The following CWC27 variants were observed in gnomAD, a reference collection of about 807,000 sequenced individuals.
CWC27 encodes the protein spliceosome-associated protein CWC27 homolog.
CWC27 carries 47 observed loss-of-function variants against 63.6 expected under a neutral mutation model. The ratio of observed to expected loss-of-function variants is 0.74; its 90% CI spans 0.58 to 0.94. CWC27 has a LOEUF of 0.94. Among genes scored for constraint, CWC27 ranks in the 40% least tolerant of loss-of-function variants. The pLI, the probability that CWC27 is intolerant of heterozygous loss-of-function variation, is 0.00. For missense variants in CWC27, 495 were observed against 554.3 expected (o/e 0.89, Z 1.07); for synonymous variants, 175 against 179.8 (o/e 0.97, Z 0.22).
chr5:64,902,118 T>C (rs1312444318), intron 11 of CWC27, among the ~76,000 whole-genome samples: 1 of 152,198 alleles, frequency 6.6e-6, no homozygotes, highest in African/African-American at 2.4e-5. Flanking sequence ...AAAATAACAA[T>C]AAAAATATAG....
chr5:64,770,289 C>T (rs888686624), intron 1 of CWC27, among the ~76,000 whole-genome samples: 7 of 152,158 alleles, frequency 4.6e-5, no homozygotes, highest in African/African-American at 1.4e-4. Context: ...ATTAGTATGT[C>T]CATCCCACCC....
intron 10 of CWC27, among the ~76,000 whole-genome samples, chr5:64,834,968 T>C (rs886137353): frequency 6.6e-6 from 1 of 151,762 alleles, no homozygotes; most frequent in Non-Finnish European, 1.5e-5. Context: ...GGAGATTGCA[T>C]AGTATAGAAA....
intron 11 of CWC27, among the ~76,000 whole-genome samples, chr5:64,919,868 C>A (rs1747963460): frequency 6.6e-6 from 1 of 152,084 alleles, no homozygotes; most frequent in African/African-American, 2.4e-5. Flanking sequence ...TGTTTTGTAT[C>A]CTGAATGTGC....
intron 11 of CWC27, among the ~76,000 whole-genome samples, chr5:64,891,771 TTTGTTGTTG>T (rs56101875): frequency 0.019 from 2,755 of 147,734 alleles, 48 homozygotes; most frequent in African/African-American, 0.054. Context: ...CTTGGGATAC[TTTGTTGTTG>T]TTGTTGTTGT....
chr5:64,874,205 A>G (rs1297909131), intron 10 of CWC27, among the ~76,000 whole-genome samples: 5 of 120,708 alleles, frequency 4.1e-5, no homozygotes, highest in African/African-American at 1.6e-4. Context: ...TCTATTGCCC[A>G]GGCTGGAGTG....
chr5:64,963,650 C>CACACAGTTTG, intron 11 of CWC27, among the ~76,000 whole-genome samples: 1 of 152,256 alleles, frequency 6.6e-6, no homozygotes, highest in Non-Finnish European at 1.5e-5. Context: ...GCTGTGTGTA[C>CACACAGTTTG]CCTGTAAAGT....
chr5:64,809,093 C>G (rs1004320135), intron 10 of CWC27, among the ~76,000 whole-genome samples: 10 of 152,116 alleles, frequency 6.6e-5, no homozygotes, highest in African/African-American at 2.4e-4. Context: ...TTGCCCCATT[C>G]TAGTTACTTC....
At chr5:64,837,432 C>A (rs549455551) in intron 10 of CWC27, among the ~76,000 whole-genome samples, 2 of 151,886 alleles carry the variant, frequency 1.3e-5, no homozygotes, top group African/African-American at 4.8e-5. Flanking sequence ...TTTAATGTGA[C>A]TCCATTGCTT....
intron 12 of CWC27, among the ~76,000 whole-genome samples, chr5:64,974,470 A>T (rs1749188150): frequency 6.6e-6 from 1 of 152,194 alleles, no homozygotes; most frequent in Non-Finnish European, 1.5e-5. Flanking sequence ...TGATAAACCC[A>T]TCAGATCTTG....
chr5:64,844,593 A>C lies in CWC27; in HGVS notation c.938+40207A>C, dbSNP rs1293278482. Among the ~76,000 whole-genome samples, 3 of 152,196 alleles carry C rather than the reference A, an allele frequency of 2.0e-5. No homozygotes were observed. In the East Asian group the frequency reaches 5.8e-4, roughly 29 times the overall value. On this transcript the variant is annotated intron_variant, in intron 10 of 13. Transcript: ENST00000381070. ...GCAGCAGCTCCCCTCACCCTCAGCC[A>C]AAAAACCTGCTTTACAACCCCACCC...
intron 10 of CWC27, among the ~76,000 whole-genome samples, chr5:64,853,869 A>G (rs567056745): frequency 6.6e-6 from 1 of 152,236 alleles, no homozygotes; most frequent in African/African-American, 2.4e-5. Flanking sequence ...ACGGTTTTTA[A>G]GTTAAGTCAT....
intron 11 of CWC27, among the ~76,000 whole-genome samples, chr5:64,966,541 A>G (rs543846282): frequency 6.6e-6 from 1 of 152,254 alleles, no homozygotes; most frequent in Non-Finnish European, 1.5e-5. Flanking sequence ...GAAGAAACTG[A>G]GGCACAAAAA....
Position 64,978,623 on chromosome 5 carries a change from G to C in CWC27, c.1256+1385G>C, listed in dbSNP as rs1749275360. Among the ~76,000 whole-genome samples the C allele has an allele frequency of 2.5e-5, 3 of 120,560 alleles. No individual in the cohort carries two copies. The South Asian group carries it at 8.3e-4, about 33-fold the overall frequency. The allele number at this position is 120,560 out of a possible 152,430, so 79.1% of individuals were successfully genotyped here. A position where few individuals can be genotyped will look rare whatever the true frequency, so the allele number is the denominator to read the frequency against. ...TTTTTGGGTTTTTTTTTTTTTTTTG[G>C]CGGTGGGGGGGATTCCTTGAATGTC... On this transcript the variant is annotated intron_variant, in intron 13 of 13. Transcript: ENST00000381070.
chr5:64,960,925 T>TG (rs980116194), intron 11 of CWC27, among the ~76,000 whole-genome samples: 2 of 151,002 alleles, frequency 1.3e-5, no homozygotes, highest in African/African-American at 4.9e-5. Flanking sequence ...ATACACTGTT[T>TG]TTTTTTTTTA....
intron 11 of CWC27, among the ~76,000 whole-genome samples, chr5:64,916,727 C>A (rs1312605495): frequency 6.6e-6 from 1 of 152,180 alleles, no homozygotes; most frequent in Non-Finnish European, 1.5e-5. Context: ...GTCAAAAACA[C>A]ACTTGGCAAA....
chr5:64,827,795 A>G (rs1057255445), intron 10 of CWC27, among the ~76,000 whole-genome samples: 2 of 152,160 alleles, frequency 1.3e-5, no homozygotes, highest in East Asian at 3.8e-4. Context: ...TTGATTGCCC[A>G]CAGTCCAGAA....
chr5:64,967,964 G>A lies in CWC27; in HGVS notation c.1043-3739G>A, dbSNP rs528934074. 8.9e-4 allele frequency among the ~76,000 whole-genome samples: 135 copies of A among 151,782 alleles called. No individual in the cohort carries two copies. In the Middle Eastern group the frequency reaches 0.017, roughly 19 times the overall value. On this transcript the variant is annotated intron_variant, in intron 11 of 13. Coordinates refer to ENST00000381070, the MANE Select transcript of CWC27 (RefSeq NM_005869.4). ...TTTGCTCTTTGAAAGATATACTTAA[G>A]AAAATGAAAAGGGAAATCAGACTGA...
In CWC27 at chr5:64,814,721, G is replaced by A. The variant is rs187404956; in HGVS notation, c.938+10335G>A. Reference sequence around the variant, plus strand: ...ATGTGTGTCCAGCTAAAGAAAGACTGACATGAAATGTTTCTAGCAAAGATG... The same window carrying A: ...ATGTGTGTCCAGCTAAAGAAAGACTAACATGAAATGTTTCTAGCAAAGATG... On this transcript the variant is annotated intron_variant, in intron 10 of 13. Coordinates refer to ENST00000381070, the MANE Select transcript of CWC27 (RefSeq NM_005869.4). Among the ~76,000 whole-genome samples, 4 of 152,244 alleles carry A rather than the reference G, an allele frequency of 2.6e-5. No individual in the cohort carries two copies. The East Asian group carries it at 7.7e-4, about 29-fold the overall frequency.
At chr5:64,943,500 GCTGGTATATACCACTATGAGTTT>G (rs1164684558) in intron 11 of CWC27, among the ~76,000 whole-genome samples, 2 of 152,000 alleles carry the variant, frequency 1.3e-5, no homozygotes, top group Non-Finnish European at 2.9e-5. Context: ...CTATTTACAT[GCTGGTATATACCACTATGAGTTT>G]CTGACAAACA....
Sources: gnomAD v4.1 joint callset for allele counts (sites outside exome capture counted in the v4.1 genomes callset) on GRCh38, gnomAD v4.1.1 for gene constraint, MANE v1.5 for transcripts, NCBI Gene and HGNC (gene_info 2026-07-23, HGNC 2026-07-21) for gene names.